The following CADPS variants were observed in gnomAD, a reference collection of about 807,000 sequenced individuals.
CADPS encodes calcium-dependent secretion activator 1.
Under a neutral mutation model 167.3 loss-of-function variants are expected in CADPS, and 57 were observed. The observed-to-expected ratio is 0.34, with a 90% CI of 0.28 to 0.42. The LOEUF (loss-of-function observed/expected upper bound fraction) is 0.42, where lower values mean the gene tolerates loss of function less well. CADPS is among the 20% of genes least tolerant of loss of function. CADPS has a pLI of 1.00. For missense variants in CADPS, 1,414 were observed against 1,738.1 expected (o/e 0.81, Z 3.32); for synonymous variants, 676 against 635.3 (o/e 1.06, Z -0.96).
At position 62,830,455 on chromosome 3, in the gene CADPS, C is replaced by T. The variant is rs565625207; in HGVS notation, c.441+44134G>A. Among the ~76,000 whole-genome samples the T allele has an allele frequency of 1.1e-3, 169 of 152,282 alleles. 1 individual carries two copies. Among genetic ancestry groups the T allele is most frequent in the South Asian group, 0.011 (53 of 4,824 alleles). Reference sequence around the variant, plus strand: ...GATATACTTATCAGCCAAATTGGTACACCAGGTGAGAAAAATGCTGAAAAT... The same window carrying T: ...GATATACTTATCAGCCAAATTGGTATACCAGGTGAGAAAAATGCTGAAAAT... On this transcript the variant is annotated intron_variant, in intron 1 of 29. Coordinates refer to ENST00000383710, the MANE Select transcript of CADPS (RefSeq NM_003716.4).
At chr3:62,550,238 A>T in intron 10 of CADPS, 123 bp from the exon 11 acceptor site, 1 of 684,506 alleles carries the variant, frequency 1.5e-6, no homozygotes, top group Admixed American at 2.5e-5. Flanking sequence ...GTAGTGATTA[A>T]CTTAGGATGG....
chr3:62,466,459 G>T, intron 24 of CADPS, 46 bp from the exon 25 acceptor site: 3 of 1,225,592 alleles, frequency 2.4e-6, no homozygotes, highest in Non-Finnish European at 3.6e-6. Flanking sequence ...GGAGGTGATG[G>T]CACTGCATCC....
At chr3:62,402,242 G>GGC (rs1489944762) in intron 29 of CADPS, among the ~76,000 whole-genome samples, 4 of 76,426 alleles carry the variant, frequency 5.2e-5, no homozygotes, top group Non-Finnish European at 1.0e-4. Context: ...GTGGGGGCGG[G>GGC]GGGGGGGGGT....
chr3:62,662,475 C>T, intron 3 of CADPS, 81 bp from the exon 4 acceptor site: 1 of 1,145,884 alleles, frequency 8.7e-7, no homozygotes, highest in Non-Finnish European at 1.3e-6. Context: ...TTTATACCCC[C>T]TTGCACTGTG....
At chr3:62,515,692 C>A (rs74640592) in intron 16 of CADPS, among the ~76,000 whole-genome samples, 2 of 152,028 alleles carry the variant, frequency 1.3e-5, no homozygotes, top group African/African-American at 4.8e-5. Context: ...CAACAGACTG[C>A]TTTATTTTCC....
chr3:62,550,669 T>C (rs776319471), intron 10 of CADPS, among the ~76,000 whole-genome samples: 6 of 152,102 alleles, frequency 3.9e-5, no homozygotes, highest in Non-Finnish European at 5.9e-5. Flanking sequence ...GAGGACCACA[T>C]GTTGAGTAGC....
At chr3:62,718,308 T>A (rs567191961) in intron 3 of CADPS, among the ~76,000 whole-genome samples, 44 of 152,248 alleles carry the variant, frequency 2.9e-4, no homozygotes, top group African/African-American at 7.5e-4. Context: ...ATACATTTTT[T>A]TAAAAAAATC....
Position 62,399,489 on chromosome 3 carries a change from C to A in CADPS, c.3979G>T (p.Ala1327Ser). The change falls in exon 30 of 30, where the codon GCC becomes TCC. Residue 1327 changes from alanine (A) to serine (S), a missense_variant. Physicochemically the swap from Ala to Ser is moderately conservative, Grantham distance 99. Transcript: ENST00000383710. The surrounding 1 kb of genome is among the most constrained non-coding windows in gnomAD (Gnocchi z 5.6). ...CCACCTTCACTCACTGATGCTGTGG[C>A]TTCCTCCACAGTGAGACGGTTCCGG... ...TIRNRLTVEE[A>S]TASVSEGGGL... 6.2e-7 allele frequency: 1 copy of A among 1,614,094 alleles called. No individual in the cohort carries two copies. The highest frequency in any genetic ancestry group is 8.5e-7 in the Non-Finnish European group (1 of 1,179,928).
chr3:62,576,103 C>T (rs985050421), intron 8 of CADPS, among the ~76,000 whole-genome samples: 2 of 152,192 alleles, frequency 1.3e-5, no homozygotes, highest in Non-Finnish European at 2.9e-5. Flanking sequence ...CTCCTAGCTC[C>T]TCACACTACA....
At chr3:62,470,790 A>G (rs2060501949) in intron 24 of CADPS, 1 of 152,134 alleles carries the variant, frequency 6.6e-6, no homozygotes, top group African/African-American at 2.4e-5. Context: ...ACTAGGATGC[A>G]TTATTGGATG....
Position 62,753,488 on chromosome 3 carries a change from G to A in CADPS, c.841C>T (p.Leu281Phe), listed in dbSNP as rs778333875. 2 of 1,613,856 alleles carry A rather than the reference G, an allele frequency of 1.2e-6. No homozygotes were observed. Among genetic ancestry groups the A allele is most frequent in the African/African-American group, 1.3e-5 (1 of 74,906 alleles). ...TGATGTTCGAACTTCTTGATCCCAA[G>A]AATGTTCTGGAACATCTCATAGAGT... The part of the protein sequence containing the change: ...EQLYEMFQNI[L>F]GIKKFEHQLL... Residue 281 changes from leucine to phenylalanine, a missense_variant, in exon 3 of 30, where the codon CTT (leucine) becomes TTT (phenylalanine). Physicochemically the swap from Leu to Phe is conservative, Grantham distance 22. Transcript: ENST00000383710. The surrounding 1 kb of genome is among the most constrained non-coding windows in gnomAD (Gnocchi z 4.6).
intron 1 of CADPS, among the ~76,000 whole-genome samples, chr3:62,830,703 T>C (rs1426773119): frequency 6.6e-6 from 1 of 152,164 alleles, no homozygotes; most frequent in African/African-American, 2.4e-5. Context: ...TTTTCAATGA[T>C]GTTAAAACTG....
chr3:62,858,917 G>A (rs1255200309), intron 1 of CADPS, among the ~76,000 whole-genome samples: 1 of 152,078 alleles, frequency 6.6e-6, no homozygotes, highest in East Asian at 1.9e-4. Context: ...AAAATGTTTG[G>A]ATTTTTAAAA....
chr3:62,853,434 G>A (rs1373234839), intron 1 of CADPS, among the ~76,000 whole-genome samples: 1 of 151,634 alleles, frequency 6.6e-6, no homozygotes, highest in African/African-American at 2.4e-5. Context: ...AGACAAGCCT[G>A]GCCAACATGG....
At chr3:62,614,499 G>A (rs2061963145) in intron 6 of CADPS, among the ~76,000 whole-genome samples, 1 of 152,198 alleles carries the variant, frequency 6.6e-6, no homozygotes, top group Non-Finnish European at 1.5e-5. Flanking sequence ...ACCTGGGCAA[G>A]CAGGAAGCTT....
chr3:62,736,298 G>A (rs1225816914), intron 3 of CADPS, among the ~76,000 whole-genome samples: 1 of 152,104 alleles, frequency 6.6e-6, no homozygotes, highest in African/African-American at 2.4e-5. Context: ...GATACTGCAC[G>A]ACCTGATACC....
rs2083448741 is a variant in CADPS, at chr3:62,875,246, A to G, written c.-217T>C. On this transcript the variant is annotated 5_prime_UTR_variant, in exon 1 of 30. Coordinates refer to ENST00000383710, the MANE Select transcript of CADPS (RefSeq NM_003716.4). The stretch of plus-strand genomic sequence containing the variant: ...CCAGAAGCGCGAAGGGAGGAGGGGA[A>G]GGGAGAGGTGCGTCCGTGGACTCGA... 1 of 422,318 alleles carries G rather than the reference A, an allele frequency of 2.4e-6. No individual in the cohort carries two copies. Among genetic ancestry groups the G allele is most frequent in the Non-Finnish European group, 3.8e-6 (1 of 261,900 alleles). 26.2% of individuals were successfully genotyped at this position (422,318 alleles called of 1,614,324 possible).
intron 1 of CADPS, among the ~76,000 whole-genome samples, chr3:62,838,303 A>G (rs2076186134): frequency 6.6e-6 from 1 of 152,224 alleles, no homozygotes; most frequent in South Asian, 2.1e-4. Context: ...AGTGTTATGG[A>G]GAGACAACAC....
chr3:62,647,630 G>C (rs1402651455), intron 5 of CADPS, among the ~76,000 whole-genome samples: 1 of 152,208 alleles, frequency 6.6e-6, no homozygotes, highest in African/African-American at 2.4e-5. Flanking sequence ...GCTGTTGTGT[G>C]AGGATCAAAT....
Sources: gnomAD v4.1 joint callset for allele counts (sites outside exome capture counted in the v4.1 genomes callset) on GRCh38, gnomAD v4.1.1 for gene constraint, Gnocchi (gnomAD v3.1) non-coding constraint, MANE v1.5 for transcripts, NCBI Gene and HGNC (gene_info 2026-07-23, HGNC 2026-07-21) for gene names.